Variants in LONRF2 observed in about 807,000 individuals in gnomAD.
LONRF2 encodes LON peptidase N-terminal domain and ring finger 2, also known as LON peptidase N-terminal domain and RING finger protein 2.
A neutral mutation model predicts 66.6 loss-of-function variants in LONRF2; 35 were observed. The observed-to-expected ratio is 0.53, with a 90% CI of 0.40 to 0.70. The LOEUF is 0.70. LONRF2 is among the 30% of genes least tolerant of loss of function. LONRF2 has a pLI of 0.00. For missense variants in LONRF2, 902 were observed against 1,002.1 expected (o/e 0.90, Z 1.35); for synonymous variants, 417 against 418.1 (o/e 1.00, Z 0.03).
intron 3 of LONRF2, among the ~76,000 whole-genome samples, chr2:100,301,104 A>G (rs1014736816): frequency 3.9e-5 from 6 of 152,178 alleles, no homozygotes; most frequent in African/African-American, 1.4e-4. Context: ...AGAGAAAGGG[A>G]GTGTAAAGGT....
In LONRF2 at chr2:100,284,510, G is replaced by C. The variant is rs1343538894; in HGVS notation, c.2071-18C>G. The C allele has an allele frequency of 1.3e-6, 2 of 1,525,418 alleles. No individual in the cohort carries two copies. The highest frequency in any genetic ancestry group is 1.8e-6 in the Non-Finnish European group (2 of 1,134,978). 94.5% of individuals were successfully genotyped at this position (1,525,418 alleles called of 1,614,324 possible). A position where few individuals can be genotyped will look rare whatever the true frequency, so the allele number is the denominator to read the frequency against. On this transcript the variant is annotated intron_variant, in intron 11 of 11. Coordinates refer to ENST00000393437, the MANE Select transcript of LONRF2 (RefSeq NM_198461.4). The stretch of plus-strand genomic sequence containing the variant: ...GGATTACTCTGCAAAAGAGATGAGG[G>C]GAAAGCAAGGTTAACACTGGAAATG...
Position 100,294,228 on chromosome 2 carries a change from C to A in LONRF2, c.1757+1G>T. ...TTGAACCAAATGCTAACAGTTCTTA[C>A]CCCGCGTGCTCAGCAGATAAACACA... On this transcript the variant is annotated splice_donor_variant, in intron 9 of 11. Transcript: ENST00000393437. LOFTEE classifies it high-confidence loss of function. 1 of 1,602,362 alleles carries A rather than the reference C, an allele frequency of 6.2e-7. No individual in the cohort carries two copies. Among genetic ancestry groups the A allele is most frequent in the South Asian group, 1.1e-5 (1 of 88,818 alleles).
chr2:100,302,659 A>T lies in LONRF2; in HGVS notation c.921+262T>A, dbSNP rs541718675. Among the ~76,000 whole-genome samples, 46 of 152,246 alleles carry T rather than the reference A, an allele frequency of 3.0e-4. No homozygotes were observed. The South Asian group carries it at 8.3e-3, about 27-fold the overall frequency. ...ACAAACTATAATAACCTTGCCTAAC[A>T]TGTGTCTTTATGTCAACAGAATCGA... On this transcript the variant is annotated intron_variant, in intron 3 of 11. Coordinates refer to ENST00000393437, the MANE Select transcript of LONRF2 (RefSeq NM_198461.4).
chr2:100,311,357 GAAAAAAAAATTTTGGA>G (rs1675404455), intron 1 of LONRF2, among the ~76,000 whole-genome samples: 1 of 150,678 alleles, frequency 6.6e-6, no homozygotes, highest in African/African-American at 2.4e-5. Context: ...AGGAGATTTG[GAAAAAAAAATTTTGGA>G]AAAAAAAAAT....
chr2:100,305,316 A>G (rs1281815930), intron 2 of LONRF2, among the ~76,000 whole-genome samples: 1 of 152,144 alleles, frequency 6.6e-6, no homozygotes, highest in Admixed American at 6.5e-5. Context: ...ATTTTTTTTA[A>G]TACAGTTCTT....
rs1399577966 is a variant in LONRF2, at chr2:100,321,976, CGTA to C, written c.115_117del (p.Tyr39del). Reference sequence around the variant, plus strand: ...GAGCGAAAGAGCTCGGCTGCCATCTCGTAGTCGCCCGCGCGGAAGGCCTCGTCG... The same window carrying C: ...GAGCGAAAGAGCTCGGCTGCCATCTCGTCGCCCGCGCGGAAGGCCTCGTCG... On this transcript the variant is annotated inframe_deletion, in exon 1 of 12. Coordinates refer to ENST00000393437, the MANE Select transcript of LONRF2 (RefSeq NM_198461.4). 6.8e-7 allele frequency: 1 copy of C among 1,466,884 alleles called. No homozygotes were observed. The highest frequency in any genetic ancestry group is 9.0e-7 in the Non-Finnish European group (1 of 1,111,094). The allele number at this position is 1,466,884 out of a possible 1,614,324, so 90.9% of individuals were successfully genotyped here. A position where few individuals can be genotyped will look rare whatever the true frequency, so the allele number is the denominator to read the frequency against.
chr2:100,315,397 GT>G (rs954119165), intron 1 of LONRF2, among the ~76,000 whole-genome samples: 1 of 152,092 alleles, frequency 6.6e-6, no homozygotes, highest in African/African-American at 2.4e-5. Context: ...AATAATGACA[GT>G]TTTTTGTTTT....
chr2:100,287,922 A>G (rs1674879612), intron 10 of LONRF2, among the ~76,000 whole-genome samples: 2 of 152,214 alleles, frequency 1.3e-5, no homozygotes, highest in Admixed American at 1.3e-4. Flanking sequence ...ACAAAATTCC[A>G]GTACCTACAA....
At chr2:100,295,222 T>C (rs1675039431) in intron 8 of LONRF2, among the ~76,000 whole-genome samples, 1 of 152,142 alleles carries the variant, frequency 6.6e-6, no homozygotes, top group Admixed American at 6.5e-5. Context: ...ACAATTTTGT[T>C]AAAACACTTT....
chr2:100,308,483 T>C (rs1573123104), intron 2 of LONRF2, among the ~76,000 whole-genome samples: 1 of 152,220 alleles, frequency 6.6e-6, no homozygotes, highest in Non-Finnish European at 1.5e-5. Context: ...GAGCATGCTA[T>C]AGCTGTTAAT....
chr2:100,318,053 C>A (rs928234198), intron 1 of LONRF2, among the ~76,000 whole-genome samples: 1 of 152,100 alleles, frequency 6.6e-6, no homozygotes, highest in Non-Finnish European at 1.5e-5. Context: ...TTAAATATTT[C>A]TCTTGCCCTT....
intron 9 of LONRF2, 151 bp downstream of exon 9, chr2:100,294,078 G>T (rs1031188680): frequency 2.6e-6 from 2 of 773,794 alleles, no homozygotes; most frequent in Non-Finnish European, 4.2e-6. Flanking sequence ...GAAGGGATGG[G>T]ACTGCATTGT....
rs1675401056 is a variant in LONRF2 at position 100,311,237 on chromosome 2, G to T, written c.680-2012C>A. ...AAATGCCTCAATCACACAGTTAAAT[G>T]CATTTTGAAATATACAATTCTCCTT... On this transcript the variant is annotated intron_variant, in intron 1 of 11. Coordinates refer to ENST00000393437, the MANE Select transcript of LONRF2 (RefSeq NM_198461.4). Among the ~76,000 whole-genome samples, 3 of 152,036 alleles carry T rather than the reference G, an allele frequency of 2.0e-5. 1 individual carries two copies. The South Asian group carries it at 6.2e-4, about 32-fold the overall frequency.
chr2:100,316,190 G>A (rs1349464987), intron 1 of LONRF2, among the ~76,000 whole-genome samples: 1 of 151,642 alleles, frequency 6.6e-6, no homozygotes, highest in Non-Finnish European at 1.5e-5. Flanking sequence ...GTTGTGGCAG[G>A]TGCCTGTAGT....
In LONRF2 at chr2:100,294,238, T is replaced by G; in HGVS notation, c.1748A>C (p.Glu583Ala). The G allele has an allele frequency of 6.2e-7, 1 of 1,603,992 alleles. No individual in the cohort carries two copies. Among genetic ancestry groups the G allele is most frequent in the African/African-American group, 1.3e-5 (1 of 74,434 alleles). ...TKRFGMCLSA[E>A]HAGLSEYGCM... Reference sequence around the variant, plus strand: ...TGCTAACAGTTCTTACCCCGCGTGCTCAGCAGATAAACACATGCCAAACCG... The same window carrying G: ...TGCTAACAGTTCTTACCCCGCGTGCGCAGCAGATAAACACATGCCAAACCG... Residue 583 changes from glutamate to alanine, a missense_variant, in exon 9 of 12, where the codon GAG (glutamate) becomes GCG (alanine). Glu to Ala is a moderately radical substitution (Grantham distance 107, BLOSUM62 -1). Coordinates refer to ENST00000393437, the MANE Select transcript of LONRF2 (RefSeq NM_198461.4).
chr2:100,301,225 A>C (rs1333913962), intron 3 of LONRF2, among the ~76,000 whole-genome samples: 1 of 152,226 alleles, frequency 6.6e-6, no homozygotes, highest in Non-Finnish European at 1.5e-5. Flanking sequence ...AAAGAACTTT[A>C]AAGGAAGAGA....
Position 100,278,744 on chromosome 2 carries a change from C to G in LONRF2, c.*5554G>C, listed in dbSNP as rs529199926. 11 of 152,374 alleles carry G rather than the reference C, an allele frequency of 7.2e-5. No homozygotes were observed. Among genetic ancestry groups the G allele is most frequent in the African/African-American group, 2.6e-4 (11 of 41,558 alleles). The allele number at this position is 152,374 out of a possible 1,614,324, so 9.4% of individuals were successfully genotyped here. ...ACGGCTGAAGATGACATGGTCCCAG[C>G]CACGACCTCGCCGTGGGAGATAACT... is the stretch of plus-strand genomic sequence containing the variant. On this transcript the variant is annotated 3_prime_UTR_variant, in exon 12 of 12. Transcript: ENST00000393437.
At chr2:100,305,845 C>T (rs1048402960) in intron 2 of LONRF2, among the ~76,000 whole-genome samples, 1 of 152,088 alleles carries the variant, frequency 6.6e-6, no homozygotes, top group Non-Finnish European at 1.5e-5. Context: ...GAGCCTGAAT[C>T]TTACATAATT....
At chr2:100,303,097 C>T (rs1391703372) in intron 2 of LONRF2, 54 bp from the exon 3 acceptor site, 42 of 1,479,226 alleles carry the variant, frequency 2.8e-5, no homozygotes, top group Non-Finnish European at 3.3e-5. Context: ...TGATTATATA[C>T]TTGAATACAA....
Sources: allele counts gnomAD v4.1 joint callset (sites outside exome capture counted in the v4.1 genomes callset), GRCh38; gene constraint gnomAD v4.1.1; transcripts MANE v1.5; gene names NCBI Gene and HGNC (gene_info 2026-07-23, HGNC 2026-07-21).